PTPRC: variants seen among roughly 807,000 people sequenced by gnomAD.
The protein encoded by PTPRC is protein tyrosine phosphatase receptor type C.
Under a neutral mutation model 155.9 loss-of-function variants are expected in PTPRC, and 44 were observed. That is an observed-to-expected ratio of 0.28 (90% CI 0.22 to 0.36). The LOEUF (loss-of-function observed/expected upper bound fraction) is 0.36. Ranked by LOEUF, PTPRC falls within the 10% of genes least tolerant of loss-of-function variation. The pLI, the probability that PTPRC is intolerant of heterozygous loss-of-function variation, is 1.00. For missense variants in PTPRC, 1,401 were observed against 1,564.6 expected (o/e 0.90, Z 1.76); for synonymous variants, 525 against 533.1 (o/e 0.98, Z 0.21).
intron 26 of PTPRC, among the ~76,000 whole-genome samples, chr1:198,745,840 G>T (rs1012797745): frequency 1.3e-5 from 2 of 150,784 alleles, no homozygotes; most frequent in Non-Finnish European, 3.0e-5. Flanking sequence ...TGAGGGAGGT[G>T]AGAGAAAGTA....
chr1:198,661,549 C>A (rs1383640534), intron 2 of PTPRC, among the ~76,000 whole-genome samples: 1 of 151,690 alleles, frequency 6.6e-6, no homozygotes, highest in Non-Finnish European at 1.5e-5. Flanking sequence ...TAATTTTCTA[C>A]TAATGAGAGA....
intron 26 of PTPRC, among the ~76,000 whole-genome samples, chr1:198,747,721 C>G (rs1281969104): frequency 6.6e-6 from 1 of 151,908 alleles, no homozygotes; most frequent in Non-Finnish European, 1.5e-5. Flanking sequence ...TGTGCCAAGT[C>G]TCCTAAGAAT....
At chr1:198,644,774 A>C (rs1662846143) in intron 2 of PTPRC, among the ~76,000 whole-genome samples, 1 of 151,830 alleles carries the variant, frequency 6.6e-6, no homozygotes, top group Non-Finnish European at 1.5e-5. Flanking sequence ...CAATCAGCAA[A>C]ATTATCAGTT....
intron 3 of PTPRC, chr1:198,695,257 A>C (rs1027871534): frequency 2.6e-5 from 22 of 838,186 alleles, no homozygotes; most frequent in Non-Finnish European, 3.2e-5. Flanking sequence ...CTCCTTTTCT[A>C]GTTTCTCTCA....
chr1:198,709,874 T>C, intron 11 of PTPRC, 50 bp downstream of exon 11: 1 of 1,591,386 alleles, frequency 6.3e-7, no homozygotes, highest in Non-Finnish European at 8.6e-7. Context: ...CTCTTCATGT[T>C]CTTATAATTA....
chr1:198,749,189 T>C (rs1655269221), intron 27 of PTPRC, among the ~76,000 whole-genome samples: 1 of 151,812 alleles, frequency 6.6e-6, no homozygotes, highest in Admixed American at 6.6e-5. Context: ...TTGTTTGACA[T>C]GGAATTATGT....
chr1:198,654,091 A>G (rs1663404914), intron 2 of PTPRC, among the ~76,000 whole-genome samples: 2 of 151,870 alleles, frequency 1.3e-5, no homozygotes. Flanking sequence ...TGGTATTTTA[A>G]CACACTGTGA....
At chr1:198,695,381 A>T (rs1489182463) in intron 3 of PTPRC, among the ~76,000 whole-genome samples, 18 of 140,916 alleles carry the variant, frequency 1.3e-4, no homozygotes, top group Non-Finnish European at 2.3e-4. Flanking sequence ...AAATATTTAA[A>T]TTTTTTTTTT....
intron 22 of PTPRC, 48 bp downstream of exon 22, chr1:198,734,473 A>G: frequency 1.3e-6 from 2 of 1,549,156 alleles, no homozygotes; most frequent in Non-Finnish European, 1.8e-6. Context: ...TTAGGAAAAC[A>G]AGGTGTTGAA....
chr1:198,723,959 G>A (rs2102461751), intron 15 of PTPRC, among the ~76,000 whole-genome samples: 1 of 152,296 alleles, frequency 6.6e-6, no homozygotes, highest in South Asian at 2.1e-4. Context: ...AGCGGGCACT[G>A]CACTCAGGGA....
intron 15 of PTPRC, among the ~76,000 whole-genome samples, chr1:198,726,455 A>C (rs1341567376): frequency 6.6e-6 from 1 of 152,108 alleles, no homozygotes; most frequent in African/African-American, 2.4e-5. Flanking sequence ...CAGTATAAAT[A>C]CCCCTTTAAA....
At chr1:198,702,983 C>T (rs886483332) in intron 6 of PTPRC, among the ~76,000 whole-genome samples, 4 of 151,972 alleles carry the variant, frequency 2.6e-5, no homozygotes, top group South Asian at 2.1e-4. Context: ...GTAATTGTGA[C>T]GCTTATTAGA....
At chr1:198,732,625 T>C (rs1190660554) in intron 20 of PTPRC, 69 bp downstream of exon 20, 1 of 1,229,210 alleles carries the variant, frequency 8.1e-7, no homozygotes, top group African/African-American at 1.5e-5. Flanking sequence ...CTTGGTAAAA[T>C]TTTAGAAATA....
chr1:198,639,910 C>G lies in PTPRC; in HGVS notation c.73+569C>G, dbSNP rs1302985406. Among the ~76,000 whole-genome samples, 4 of 152,030 alleles carry G rather than the reference C, an allele frequency of 2.6e-5. No homozygotes were observed. In the South Asian group the frequency reaches 8.3e-4, roughly 32 times the overall value. On this transcript the variant is annotated intron_variant, in intron 2 of 32. Coordinates refer to ENST00000442510, the MANE Select transcript of PTPRC (RefSeq NM_002838.5). ...AATATTAACTTTCTGCAATTTTTAT[C>G]ACAGAATGTATTTTAAATCAAGTTT...
chr1:198,682,128 C>T (rs1291826763), intron 2 of PTPRC, among the ~76,000 whole-genome samples: 2 of 152,202 alleles, frequency 1.3e-5, no homozygotes. Context: ...AAACAGCAGT[C>T]TTATGAGAAC....
chr1:198,652,993 G>A (rs1424573590), intron 2 of PTPRC, among the ~76,000 whole-genome samples: 1 of 151,728 alleles, frequency 6.6e-6, no homozygotes, highest in Non-Finnish European at 1.5e-5. Context: ...TCAAAGGCAA[G>A]AAAATAAGAA....
chr1:198,666,685 G>A (rs1443373799), intron 2 of PTPRC, among the ~76,000 whole-genome samples: 1 of 152,078 alleles, frequency 6.6e-6, no homozygotes, highest in Non-Finnish European at 1.5e-5. Flanking sequence ...TACTCTACAA[G>A]CAAAGCAATC....
Position 198,702,473 on chromosome 1 carries a change from A to T in PTPRC, c.526A>T (p.Ser176Cys). The part of the protein sequence containing the change: ...LTTTLSLAHH[S>C]SAALPARTSN... ...AACCACCCTCAGCCTTGCACACCACAGCTCTGCTGCCTTACCTGCACGCAC... is the reference window on the plus strand; with the variant it reads ...AACCACCCTCAGCCTTGCACACCACTGCTCTGCTGCCTTACCTGCACGCAC... The change falls in exon 6 of 33, where the codon AGC becomes TGC. Residue 176 changes from serine (S) to cysteine (C), a missense_variant. Around this residue, in one of 3 missense-constraint regions of PTPRC, gnomAD observed 867 missense variants for 970.4 expected, o/e 0.89. Transcript: ENST00000442510. The T allele has an allele frequency of 6.2e-7, 1 of 1,614,150 alleles. No homozygotes were observed. The highest frequency in any genetic ancestry group is 8.5e-7 in the Non-Finnish European group (1 of 1,180,034).
At position 198,756,555 on chromosome 1, in the gene PTPRC, T is replaced by C; in HGVS notation, c.*374T>C. 1 of 211,292 alleles carries C rather than the reference T, an allele frequency of 4.7e-6. No homozygotes were observed. Among genetic ancestry groups the C allele is most frequent in the Non-Finnish European group, 9.7e-6 (1 of 103,594 alleles). The allele number at this position is 211,292 out of a possible 1,614,324, so 13.1% of individuals were successfully genotyped here. On this transcript the variant is annotated 3_prime_UTR_variant, in exon 33 of 33. Transcript: ENST00000442510. The stretch of plus-strand genomic sequence containing the variant: ...TGTTTTTATGAAGAAAAAATACATT[T>C]TATATTAGAAGTGTTAACTTAGCTT...
Sources: allele counts gnomAD v4.1 joint callset (sites outside exome capture counted in the v4.1 genomes callset), GRCh38; gene constraint gnomAD v4.1.1; regional missense constraint gnomAD v4.1.1; transcripts MANE v1.5; gene names NCBI Gene and HGNC (gene_info 2026-07-23, HGNC 2026-07-21).